The following DNAH17 variants were observed in gnomAD, a reference collection of about 807,000 sequenced individuals.
DNAH17 encodes axonemal beta dynein heavy chain 17.
Under a neutral mutation model 485.6 loss-of-function variants are expected in DNAH17, and 376 were observed. That is an observed-to-expected ratio of 0.77 (90% confidence interval 0.71 to 0.84). DNAH17 has a LOEUF of 0.84. Among genes scored for constraint, DNAH17 ranks in the 40% least tolerant of loss-of-function variants. DNAH17 has a pLI of 0.00. For synonymous variants in DNAH17, 3,031 were observed against 2,405.9 expected, an observed-to-expected ratio of 1.26 and a Z score of -7.60; for missense variants, 6,370 against 5,839.3, an observed-to-expected ratio of 1.09 and a Z score of -2.96.
chr17:78,477,229 G>C (rs534256151), intron 51 of DNAH17, among the ~76,000 whole-genome samples: 2 of 152,176 alleles, frequency 1.3e-5, no homozygotes, highest in Non-Finnish European at 2.9e-5. Context: ...ACATGCTAGC[G>C]GGGGAGGTGG....
In DNAH17 at chr17:78,486,264, G is replaced by A. The variant is rs867421411; in HGVS notation, c.7061C>T (p.Thr2354Ile). 1.9e-6 allele frequency: 3 copies of A among 1,602,006 alleles called. No homozygotes were observed. Among genetic ancestry groups the A allele is most frequent in the South Asian group, 1.1e-5 (1 of 90,122 alleles). Residue 2354 changes from threonine to isoleucine, a missense_variant, in exon 45 of 81, where the codon ACC (threonine) becomes ATC (isoleucine). Transcript: ENST00000389840. ...GGCGCCACCGAAGGCCCAGAAGCAG[G>A]TGAACACGAAGTACAGCTCGTACAG... ...RELYELYFVF[T>I]CFWAFGGAMF...
At chr17:78,553,442 T>TA (rs2091954575) in intron 14 of DNAH17, among the ~76,000 whole-genome samples, 1 of 151,826 alleles carries the variant, frequency 6.6e-6, no homozygotes, top group African/African-American at 2.4e-5. Flanking sequence ...GCTGGGACTA[T>TA]AGGCATGCGC....
Position 78,500,297 on chromosome 17 carries a change from C to T in DNAH17, c.5640+8G>A. 6.2e-7 allele frequency: 1 copy of T among 1,607,592 alleles called. No individual in the cohort carries two copies. Among genetic ancestry groups the T allele is most frequent in the Non-Finnish European group, 8.5e-7 (1 of 1,177,238 alleles). ...TCTGGGTCCCTCCTCCGGACCCCGG[C>T]CGCGTACCTTGTAGTCCATCTGCTC... On this transcript the variant is annotated splice_region_variant and intron_variant, in intron 36 of 80. Coordinates refer to ENST00000389840, the MANE Select transcript of DNAH17 (RefSeq NM_173628.4).
intron 18 of DNAH17, 88 bp downstream of exon 18, chr17:78,539,649 A>T: frequency 8.9e-7 from 1 of 1,127,908 alleles, no homozygotes; most frequent in Non-Finnish European, 1.2e-6. Flanking sequence ...ATAAAATGAT[A>T]GCCTGTTCAT....
At chr17:78,571,808 G>A (rs1388064143) in intron 3 of DNAH17, 26 bp from the exon 4 acceptor site, 11 of 1,547,228 alleles carry the variant, frequency 7.1e-6, no homozygotes, top group African/African-American at 1.4e-5. Context: ...TTGGGGCATT[G>A]CTCTCATGGC....
intron 25 of DNAH17, among the ~76,000 whole-genome samples, chr17:78,517,843 A>G (rs2090829459): frequency 6.6e-6 from 1 of 152,220 alleles, no homozygotes; most frequent in Non-Finnish European, 1.5e-5. Flanking sequence ...AAACAAGACC[A>G]TGGAAGATTA....
At chr17:78,532,930 G>A (rs989572496) in intron 19 of DNAH17, 194 bp from the exon 20 acceptor site, 2 of 597,630 alleles carry the variant, frequency 3.3e-6, no homozygotes, top group East Asian at 3.1e-5. Flanking sequence ...ACTCCTGGGA[G>A]GTCACCATAC....
intron 74 of DNAH17, 51 bp from the exon 75 acceptor site, chr17:78,434,271 C>G (rs369728398): frequency 5.8e-6 from 9 of 1,542,518 alleles, no homozygotes; most frequent in Non-Finnish European, 7.9e-6. Flanking sequence ...GAAGTTTACA[C>G]AGAAATGCCC....
intron 77 of DNAH17, among the ~76,000 whole-genome samples, chr17:78,428,166 G>A (rs114873986): frequency 0.02 from 3,038 of 152,254 alleles, 106 homozygotes; most frequent in African/African-American, 0.069. Context: ...AGCTGCTACT[G>A]CTGTTGTGCT....
chr17:78,445,451 T>C, intron 70 of DNAH17, 107 bp downstream of exon 70: 1 of 1,434,396 alleles, frequency 7.0e-7, no homozygotes, highest in East Asian at 2.5e-5. Context: ...ACTGAATTTA[T>C]GGGCCACAGA....
intron 6 of DNAH17, among the ~76,000 whole-genome samples, chr17:78,570,598 G>A (rs556686271): frequency 6.8e-4 from 104 of 152,186 alleles, no homozygotes; most frequent in Non-Finnish European, 9.9e-4. Context: ...GGTGGCTCAC[G>A]CCTGTAATCC....
At chr17:78,429,058 G>C in intron 76 of DNAH17, 63 bp downstream of exon 76, 1 of 1,550,990 alleles carries the variant, frequency 6.4e-7, no homozygotes, top group Non-Finnish European at 8.8e-7. Context: ...TGTGCTGGCA[G>C]GCTCTCACCG....
chr17:78,437,720 T>A lies in DNAH17; in HGVS notation c.11954A>T (p.Glu3985Val). The change falls in exon 74 of 81, where the codon GAG becomes GTG. Residue 3985 changes from glutamate (E) to valine (V), a missense_variant. Transcript: ENST00000389840. ...CTCGTTGGTGATCTTGATGGCGTTCTCCAGAATGCCCTGGGGGATGATGTG... is the reference window on the plus strand; with the variant it reads ...CTCGTTGGTGATCTTGATGGCGTTCACCAGAATGCCCTGGGGGATGATGTG... ...ETHIIPQGIL[E>V]NAIKITNEPP... is the part of the protein sequence containing the mutation. 6.2e-7 allele frequency: 1 copy of A among 1,612,352 alleles called. No individual in the cohort carries two copies. Among genetic ancestry groups the A allele is most frequent in the Non-Finnish European group, 8.5e-7 (1 of 1,179,708 alleles).
At chr17:78,479,220 T>C in intron 50 of DNAH17, 104 bp from the exon 51 acceptor site, 2 of 1,199,270 alleles carry the variant, frequency 1.7e-6, no homozygotes, top group Non-Finnish European at 2.4e-6. Flanking sequence ...TGGTGACAAC[T>C]GGAGTAAGAA....
intron 58 of DNAH17, 79 bp from the exon 59 acceptor site, chr17:78,460,336 A>ATGTGTGTGCATGTGTGTGCG (rs1426669618): frequency 2.2e-6 from 2 of 894,222 alleles, no homozygotes; most frequent in East Asian, 5.3e-5. Flanking sequence ...ATGTGTGTGC[A>ATGTGTGTGCATGTGTGTGCG]TGTGTGTGCA....
At chr17:78,484,228 G>T (rs372457026) in intron 48 of DNAH17, among the ~76,000 whole-genome samples, 4 of 151,590 alleles carry the variant, frequency 2.6e-5, no homozygotes, top group African/African-American at 9.7e-5. Flanking sequence ...CTGTCCCGAG[G>T]CCCTGGGATT....
rs146123326 is a variant in DNAH17, at chr17:78,458,587, T to C, written c.9955A>G (p.Arg3319Gly). Residue 3319 changes from arginine (R) to glycine (G), a missense_variant, in exon 62 of 81, where the codon AGG (arginine) becomes GGG (glycine). Coordinates refer to ENST00000389840, the MANE Select transcript of DNAH17 (RefSeq NM_173628.4). ...KCQQEADATN[R>G]VILLANRLVG... ...TACCTGTTCGCCAGTAAGATCACCC[T>C]GTTCGTGGCATCGGCCTCTTGCTGA... is the stretch of plus-strand genomic sequence containing the variant. 3.1e-5 allele frequency: 50 copies of C among 1,613,992 alleles called. No individual in the cohort carries two copies. The Middle Eastern group carries it at 6.6e-4, about 21-fold the overall frequency.
At chr17:78,463,386 G>T (rs1451062337) in intron 56 of DNAH17, among the ~76,000 whole-genome samples, 2 of 152,130 alleles carry the variant, frequency 1.3e-5, no homozygotes, top group Non-Finnish European at 2.9e-5. Context: ...TCACATACCT[G>T]CATATATACG....
At chr17:78,471,907 C>T (rs543896599) in intron 54 of DNAH17, among the ~76,000 whole-genome samples, 138 of 152,306 alleles carry the variant, frequency 9.1e-4, no homozygotes, top group African/African-American at 2.8e-3. Flanking sequence ...GTGCGATGGC[C>T]GCCTCATCCC....
Sources: gnomAD v4.1 joint callset for allele counts (sites outside exome capture counted in the v4.1 genomes callset) on GRCh38, gnomAD v4.1.1 for gene constraint, MANE v1.5 for transcripts, NCBI Gene and HGNC (gene_info 2026-07-23, HGNC 2026-07-21) for gene names.